Variants in NRG3 observed in about 807,000 individuals in gnomAD.
NRG3 encodes neuregulin 3.
NRG3 carries 31 observed loss-of-function variants against 66.9 expected under a neutral mutation model. The observed-to-expected ratio is 0.46, with a 90% CI of 0.35 to 0.63. The LOEUF (loss-of-function observed/expected upper bound fraction) is 0.63, where lower values mean the gene tolerates loss of function less well. Among genes scored for constraint, NRG3 ranks in the 20% least tolerant of loss-of-function variants. The probability of loss-of-function intolerance (pLI) is 0.00; values close to 1 mark genes in which losing one functional copy is unlikely to be tolerated. For missense variants in NRG3, 910 were observed against 878.9 expected (o/e 1.04, Z -0.45); for synonymous variants, 393 against 359.4 (o/e 1.09, Z -1.06).
chr10:82,784,656 T>C (rs953216001), intron 3 of NRG3, among the ~76,000 whole-genome samples: 10 of 151,944 alleles, frequency 6.6e-5, no homozygotes, highest in Non-Finnish European at 1.3e-4. Flanking sequence ...CACAATGAGA[T>C]ACCATCTCAC....
chr10:82,363,083 AC>A (rs1333281203), intron 2 of NRG3, among the ~76,000 whole-genome samples: 1 of 152,198 alleles, frequency 6.6e-6, no homozygotes, highest in African/African-American at 2.4e-5. Context: ...TAAAAGACAA[AC>A]TGTGAGGAAA....
intron 1 of NRG3, among the ~76,000 whole-genome samples, chr10:82,345,782 C>A (rs867257475): frequency 0.037 from 5,623 of 151,778 alleles, 158 homozygotes; most frequent in African/African-American, 0.085. Flanking sequence ...TCCTTCACAT[C>A]CCTTGTAAGT....
chr10:82,429,325 TC>T (rs2089649162), intron 2 of NRG3, among the ~76,000 whole-genome samples: 2 of 152,092 alleles, frequency 1.3e-5, no homozygotes, highest in Non-Finnish European at 2.9e-5. Flanking sequence ...GGATTTGACT[TC>T]CTGTCCAGTA....
chr10:82,430,056 G>C (rs1251054243), intron 2 of NRG3, among the ~76,000 whole-genome samples: 1 of 152,058 alleles, frequency 6.6e-6, no homozygotes, highest in Non-Finnish European at 1.5e-5. Context: ...AATAATCTCA[G>C]TTTGGAGAAA....
intron 4 of NRG3, among the ~76,000 whole-genome samples, chr10:82,938,402 A>C (rs1024674370): frequency 1.3e-5 from 2 of 152,186 alleles, no homozygotes; most frequent in African/African-American, 4.8e-5. Flanking sequence ...CCCTGCCTGG[A>C]GTCCATATGC....
chr10:82,978,092 C>T (rs1205117149), intron 7 of NRG3, among the ~76,000 whole-genome samples: 1 of 152,118 alleles, frequency 6.6e-6, no homozygotes, highest in Non-Finnish European at 1.5e-5. Flanking sequence ...CGTGGAATGT[C>T]TACACATGAG....
intron 2 of NRG3, among the ~76,000 whole-genome samples, chr10:82,597,607 C>T (rs1017228451): frequency 6.6e-6 from 1 of 152,120 alleles, no homozygotes; most frequent in African/African-American, 2.4e-5. Flanking sequence ...TGCTTTTTAT[C>T]TCTCTTCTTA....
At chr10:82,600,504 T>C (rs1476510884) in intron 2 of NRG3, among the ~76,000 whole-genome samples, 1 of 152,196 alleles carries the variant, frequency 6.6e-6, no homozygotes, top group Non-Finnish European at 1.5e-5. Flanking sequence ...GGAGTCTCGC[T>C]CTGTCACCCT....
At chr10:82,608,718 G>A (rs2048119709) in intron 2 of NRG3, among the ~76,000 whole-genome samples, 1 of 152,082 alleles carries the variant, frequency 6.6e-6, no homozygotes, top group Non-Finnish European at 1.5e-5. Flanking sequence ...GTTGGGTATT[G>A]CCCTTCCTCC....
At position 82,133,202 on chromosome 10, in the gene NRG3, A is replaced by C. The variant is rs572355929; in HGVS notation, c.824-225537A>C. ...TTTTGATGTAGGCTCTTATTGCTAG[A>C]AACTTTTCTCTTAGCACTGCTTTTG... On this transcript the variant is annotated intron_variant, in intron 1 of 8. Transcript: ENST00000372141. Among the ~76,000 whole-genome samples, 9 of 152,118 alleles carry C rather than the reference A, an allele frequency of 5.9e-5. No individual in the cohort carries two copies. The South Asian group carries it at 1.9e-3, about 32-fold the overall frequency.
intron 2 of NRG3, among the ~76,000 whole-genome samples, chr10:82,631,537 C>T (rs1309622458): frequency 1.3e-5 from 2 of 150,408 alleles, no homozygotes; most frequent in Non-Finnish European, 2.9e-5. Flanking sequence ...CAGTTTCCTT[C>T]AGCTTTTGTT....
chr10:82,107,768 A>G (rs1478882032), intron 1 of NRG3, among the ~76,000 whole-genome samples: 1 of 152,212 alleles, frequency 6.6e-6, no homozygotes, highest in East Asian at 1.9e-4. Context: ...AATGAGTGTA[A>G]CAATCACTGT....
chr10:82,662,464 AAG>A (rs60281905), intron 2 of NRG3, among the ~76,000 whole-genome samples: 9,934 of 152,244 alleles, frequency 0.065, 1,062 homozygotes, highest in African/African-American at 0.23. Context: ...CTTAGACACA[AAG>A]AGCAGTCCTT....
At chr10:82,868,506 A>C (rs1840982903) in intron 4 of NRG3, among the ~76,000 whole-genome samples, 1 of 152,150 alleles carries the variant, frequency 6.6e-6, no homozygotes, top group African/African-American at 2.4e-5. Context: ...TCAGAGTTCA[A>C]GGGATTGGCT....
chr10:82,325,253 T>G (rs1305469406), intron 1 of NRG3, among the ~76,000 whole-genome samples: 1 of 151,828 alleles, frequency 6.6e-6, no homozygotes, highest in Non-Finnish European at 1.5e-5. Context: ...GAGATCATGG[T>G]TCACTGCAGC....
intron 2 of NRG3, among the ~76,000 whole-genome samples, chr10:82,470,362 C>G (rs1412910948): frequency 6.6e-6 from 1 of 152,196 alleles, no homozygotes; most frequent in Admixed American, 6.5e-5. Flanking sequence ...CTGAAACCCT[C>G]TAGGCTTCAA....
At chr10:82,214,886 C>G (rs1474) in intron 1 of NRG3, among the ~76,000 whole-genome samples, 77,799 of 152,078 alleles carry the variant, frequency 0.51, 22,549 homozygotes, top group African/African-American at 0.79. Flanking sequence ...GAGCAGGGAA[C>G]TAGAAATGTA....
At chr10:82,564,836 A>G (rs1311589013) in intron 2 of NRG3, among the ~76,000 whole-genome samples, 4 of 152,136 alleles carry the variant, frequency 2.6e-5, no homozygotes, top group African/African-American at 9.7e-5. Context: ...TTAACTCAGC[A>G]GGAATACTCT....
chr10:82,588,900 T>C (rs1438247254), intron 2 of NRG3, among the ~76,000 whole-genome samples: 3 of 152,200 alleles, frequency 2.0e-5, no homozygotes, highest in African/African-American at 7.2e-5. Context: ...CAAGGAACCA[T>C]TCCCGCAGAG....
Sources: gnomAD v4.1 joint callset for allele counts (sites outside exome capture counted in the v4.1 genomes callset) on GRCh38, gnomAD v4.1.1 for gene constraint, MANE v1.5 for transcripts, NCBI Gene and HGNC (gene_info 2026-07-23, HGNC 2026-07-21) for gene names.